Variants in KANK1 observed in about 807,000 individuals in gnomAD.
KANK1 encodes KN motif and ankyrin repeat domain-containing protein 1.
Under a neutral mutation model 106.2 loss-of-function variants are expected in KANK1, and 109 were observed. The observed-to-expected ratio is 1.03, with a 90% CI of 0.88 to 1.20. The LOEUF (loss-of-function observed/expected upper bound fraction) is 1.20, where lower values mean the gene tolerates loss of function less well. Ranked by LOEUF, KANK1 falls within the 50% of genes most tolerant of loss-of-function variation. The pLI is 0.00. For synonymous variants in KANK1, 873 were observed against 652.2 expected, an observed-to-expected ratio of 1.34 and a Z score of -5.16; for missense variants, 2,399 against 1,710.7, an observed-to-expected ratio of 1.40 and a Z score of -7.10.
intron 1 of KANK1, among the ~76,000 whole-genome samples, chr9:516,960 T>C (rs1365922645): frequency 6.7e-6 from 1 of 149,800 alleles, no homozygotes; most frequent in East Asian, 2.0e-4. Flanking sequence ...CCCTGCCAGG[T>C]GTGCATCTGA....
rs1284723527 is a variant in KANK1, at chr9:711,133, C to T, written c.367C>T (p.Pro123Ser). ...ATCAACTCCAATCTCAAAGCCACCT[C>T]CCCCTCTGGAGACCTCACTCCCTTT... The part of the protein sequence containing the change: ...VTSTPISKPP[P>S]PLETSLPFLT... Residue 123 changes from proline to serine, a missense_variant, in exon 3 of 12, where the codon CCC becomes TCC. Physicochemically the swap from Pro to Ser is moderately conservative, Grantham distance 74. Coordinates refer to ENST00000382297, the MANE Select transcript of KANK1 (RefSeq NM_015158.5). The T allele has an allele frequency of 3.1e-6, 5 of 1,614,178 alleles. No individual in the cohort carries two copies. The highest frequency in any genetic ancestry group is 4.2e-6 in the Non-Finnish European group (5 of 1,180,028).
chr9:507,868 T>G (rs578002494), intron 1 of KANK1, among the ~76,000 whole-genome samples: 1 of 152,076 alleles, frequency 6.6e-6, no homozygotes, highest in African/African-American at 2.4e-5. Flanking sequence ...GTATTTTTAG[T>G]AGAGACGGGG....
intron 3 of KANK1, among the ~76,000 whole-genome samples, chr9:480,847 G>T (rs1244216722): frequency 1.3e-5 from 2 of 152,182 alleles, no homozygotes; most frequent in Admixed American, 6.5e-5. Flanking sequence ...GTGTAAAATG[G>T]TAAGGCATTA....
chr9:687,068 GTGT>G, intron 2 of KANK1: 1 of 343,552 alleles, frequency 2.9e-6, no homozygotes, highest in Non-Finnish European at 4.1e-6. Context: ...TTCAATTGGG[GTGT>G]TGTTTGGGGA....
At chr9:623,622 A>G (rs528920911) in intron 1 of KANK1, among the ~76,000 whole-genome samples, 37 of 151,878 alleles carry the variant, frequency 2.4e-4, no homozygotes, top group Non-Finnish European at 4.6e-4. Context: ...AAAAAGAAAA[A>G]GAAAAAAAAA....
Position 667,533 on chromosome 9 carries a change from T to G in KANK1, c.-83-9357T>G, listed in dbSNP as rs563080490. ...TTATTAGGTTGTCTTTTGGTAGTCT[T>G]TCAACTTTTTTGATGTAGATGTTTA... On this transcript the variant is annotated intron_variant, in intron 1 of 11. Transcript: ENST00000382297. Among the ~76,000 whole-genome samples, 5 of 152,212 alleles carry G rather than the reference T, an allele frequency of 3.3e-5. No homozygotes were observed. In the East Asian group the frequency reaches 9.6e-4, roughly 29 times the overall value.
intron 1 of KANK1, among the ~76,000 whole-genome samples, chr9:510,429 A>G (rs975147332): frequency 6.6e-6 from 1 of 152,232 alleles, no homozygotes; most frequent in Non-Finnish European, 1.5e-5. Context: ...AGGAGTGTTC[A>G]TTCTACAAAT....
chr9:657,073 C>G (rs1183382273), intron 1 of KANK1, among the ~76,000 whole-genome samples: 2 of 152,150 alleles, frequency 1.3e-5, no homozygotes, highest in African/African-American at 4.8e-5. Flanking sequence ...ACCAACCTTT[C>G]TACTTTCTGT....
intron 1 of KANK1, among the ~76,000 whole-genome samples, chr9:513,710 T>C (rs2059131839): frequency 6.6e-6 from 1 of 152,210 alleles, no homozygotes. Flanking sequence ...TAATTCTGAC[T>C]GGTTCACCCT....
rs765114949 is a variant in KANK1, at chr9:742,200, C to A, written c.3697-5C>A. The A allele has an allele frequency of 6.2e-7, 1 of 1,613,834 alleles. No homozygotes were observed. The highest frequency in any genetic ancestry group is 1.1e-5 in the South Asian group (1 of 91,042). Reference sequence around the variant, plus strand: ...TTCTGAAGTCCTTGTCATCTCTTCCCATAGGCGGGACAGACGGCCCTCATG... The same window carrying A: ...TTCTGAAGTCCTTGTCATCTCTTCCAATAGGCGGGACAGACGGCCCTCATG... On this transcript the variant is annotated splice_polypyrimidine_tract_variant and splice_region_variant and intron_variant, in intron 9 of 11. Transcript: ENST00000382297.
intron 1 of KANK1, among the ~76,000 whole-genome samples, chr9:561,179 A>T (rs1359737236): frequency 6.6e-6 from 1 of 152,198 alleles, no homozygotes; most frequent in African/African-American, 2.4e-5. Flanking sequence ...TTAATTCTCA[A>T]CTTCAGGGGG....
intron 1 of KANK1, among the ~76,000 whole-genome samples, chr9:527,324 G>C (rs1425440103): frequency 6.6e-6 from 1 of 150,964 alleles, no homozygotes; most frequent in Non-Finnish European, 1.5e-5. Context: ...TTTTTGAAAT[G>C]GAGTTTCACT....
At chr9:504,895 T>TGGCGGA (rs2058671148) in intron 1 of KANK1, 141 bp downstream of exon 1, 1 of 144,076 alleles carries the variant, frequency 6.9e-6, no homozygotes, top group African/African-American at 2.5e-5. Flanking sequence ...GCCGTGGCGG[T>TGGCGGA]GGCGGAGGGC....
At chr9:558,922 C>T (rs1370743833) in intron 1 of KANK1, 2 of 151,860 alleles carry the variant, frequency 1.3e-5, no homozygotes, top group African/African-American at 4.8e-5. Flanking sequence ...TGAAGCGTTC[C>T]TTAATAAAAA....
chr9:701,441 A>G (rs939495110), intron 2 of KANK1, among the ~76,000 whole-genome samples: 3 of 152,084 alleles, frequency 2.0e-5, no homozygotes, highest in African/African-American at 7.2e-5. Context: ...TTCAGTTGCT[A>G]TCTGTGAATT....
At chr9:718,485 G>GTAT (rs71314733) in intron 3 of KANK1, among the ~76,000 whole-genome samples, 108,908 of 150,822 alleles carry the variant, frequency 0.72, 39,352 homozygotes, top group East Asian at 0.79. Flanking sequence ...GCTAATTTTT[G>GTAT]TATTTTTAGA....
chr9:684,563 A>G (rs550541734), intron 2 of KANK1: 29 of 985,322 alleles, frequency 2.9e-5, no homozygotes, highest in African/African-American at 3.5e-5. Context: ...CTTCCTCAGC[A>G]GACTTCTCGT....
At chr9:501,613 TACAC>T (rs60211646), upstream of KANK1, among the ~76,000 whole-genome samples, 366 of 148,528 alleles carry the variant, frequency 2.5e-3, 2 homozygotes, top group Middle Eastern at 6.9e-3. Context: ...CGCACAGACA[TACAC>T]ACACACACAC....
chr9:590,724 C>T (rs1388232522), intron 1 of KANK1, among the ~76,000 whole-genome samples: 1 of 151,302 alleles, frequency 6.6e-6, no homozygotes. Flanking sequence ...AATTATAAAC[C>T]TCTCTGCTTA....
Sources: allele counts gnomAD v4.1 joint callset (sites outside exome capture counted in the v4.1 genomes callset), GRCh38; gene constraint gnomAD v4.1.1; transcripts MANE v1.5; gene names NCBI Gene and HGNC (gene_info 2026-07-23, HGNC 2026-07-21).